The following ATG5 variants were observed in gnomAD, a reference collection of about 807,000 sequenced individuals.
ATG5 encodes autophagy related 5.
In ATG5, 14 loss-of-function variants were observed where a neutral mutation model predicts 36.5. The observed-to-expected ratio is 0.38, with a 90% CI of 0.25 to 0.60. The LOEUF (loss-of-function observed/expected upper bound fraction) is 0.60, where lower values mean the gene tolerates loss of function less well. Among genes scored for constraint, ATG5 ranks in the 20% least tolerant of loss-of-function variants. ATG5 has a pLI of 0.60. For synonymous variants in ATG5, 95 were observed against 101.5 expected, an observed-to-expected ratio of 0.94 and a Z score of 0.38; for missense variants, 195 against 326.7, an observed-to-expected ratio of 0.60 and a Z score of 3.11.
intron 5 of ATG5, among the ~76,000 whole-genome samples, chr6:106,262,589 G>A (rs980336421): frequency 9.2e-5 from 14 of 152,038 alleles, no homozygotes; most frequent in South Asian, 2.1e-4. Flanking sequence ...GAAAAGTTCC[G>A]GTCTGCAGCT....
intron 6 of ATG5, among the ~76,000 whole-genome samples, chr6:106,237,292 C>CA (rs1275291253): frequency 1.3e-5 from 2 of 152,142 alleles, no homozygotes; most frequent in Non-Finnish European, 2.9e-5. Flanking sequence ...TCAAATCACA[C>CA]AATGCTCCAA....
intron 2 of ATG5, among the ~76,000 whole-genome samples, chr6:106,310,759 T>G (rs1334260501): frequency 1.3e-5 from 2 of 152,208 alleles, no homozygotes; most frequent in African/African-American, 4.8e-5. Flanking sequence ...CTCTATGAAT[T>G]TGACTACTCT....
chr6:106,189,643 C>G (rs1041736135), intron 7 of ATG5, among the ~76,000 whole-genome samples: 4 of 55,448 alleles, frequency 7.2e-5, no homozygotes, highest in Non-Finnish European at 1.3e-4. Context: ...AATAATAAAA[C>G]AGTAAAAAAA....
At chr6:106,249,641 C>T (rs555488564) in intron 5 of ATG5, among the ~76,000 whole-genome samples, 22 of 152,310 alleles carry the variant, frequency 1.4e-4, no homozygotes, top group Non-Finnish European at 2.9e-4. Context: ...TTAGGTAACT[C>T]TATTTAACTG....
intron 5 of ATG5, among the ~76,000 whole-genome samples, chr6:106,270,381 T>C (rs956612249): frequency 6.6e-6 from 1 of 152,040 alleles, no homozygotes; most frequent in African/African-American, 2.4e-5. Flanking sequence ...ACACACAGAG[T>C]TTCAGGTTGG....
chr6:106,216,085 C>T (rs1451440106), intron 6 of ATG5, among the ~76,000 whole-genome samples: 1 of 152,122 alleles, frequency 6.6e-6, no homozygotes, highest in Non-Finnish European at 1.5e-5. Context: ...GTAATTAAAA[C>T]TATAGAAAAT....
chr6:106,247,583 C>T (rs928385379), intron 6 of ATG5, among the ~76,000 whole-genome samples: 13 of 152,148 alleles, frequency 8.5e-5, no homozygotes, highest in Admixed American at 4.6e-4. Flanking sequence ...GTTATGTTTC[C>T]GTGAGCCCTC....
chr6:106,270,402 C>G (rs1779410374), intron 5 of ATG5, among the ~76,000 whole-genome samples: 1 of 152,120 alleles, frequency 6.6e-6, no homozygotes, highest in South Asian at 2.1e-4. Flanking sequence ...AATTATTCAC[C>G]TTCCTGCAAA....
At chr6:106,270,496 G>A (rs1393268549) in intron 5 of ATG5, among the ~76,000 whole-genome samples, 1 of 152,140 alleles carries the variant, frequency 6.6e-6, no homozygotes, top group African/African-American at 2.4e-5. Flanking sequence ...CATAAATGAG[G>A]TGGCTCCATA....
At chr6:106,285,259 G>A (rs1247920635) in intron 4 of ATG5, among the ~76,000 whole-genome samples, 1 of 152,112 alleles carries the variant, frequency 6.6e-6, no homozygotes, top group East Asian at 1.9e-4. Flanking sequence ...CAATTTTGTG[G>A]TTTTTTTAAG....
chr6:106,308,292 T>C, intron 3 of ATG5, 72 bp downstream of exon 3: 1 of 1,319,150 alleles, frequency 7.6e-7, no homozygotes. Context: ...TTTTTACAAT[T>C]GTTTCAGGGC....
intron 7 of ATG5, among the ~76,000 whole-genome samples, chr6:106,197,744 T>C (rs1033949533): frequency 1.3e-5 from 2 of 152,188 alleles, no homozygotes; most frequent in African/African-American, 4.8e-5. Context: ...GAGGGTCTCA[T>C]GAGATGCCCA....
At chr6:106,285,923 T>A (rs1419195392) in intron 4 of ATG5, among the ~76,000 whole-genome samples, 2 of 152,232 alleles carry the variant, frequency 1.3e-5, no homozygotes, top group African/African-American at 4.8e-5. Context: ...TGATCCTTAC[T>A]CCAAAATCAT....
intron 6 of ATG5, among the ~76,000 whole-genome samples, chr6:106,227,900 A>G (rs1264049044): frequency 6.6e-6 from 1 of 152,216 alleles, no homozygotes; most frequent in Non-Finnish European, 1.5e-5. Flanking sequence ...ATTCAACTTG[A>G]AGGAGAAGGA....
At chr6:106,279,963 AAATTTAACTT>A in intron 4 of ATG5, 140 bp from the exon 5 acceptor site, 1 of 499,924 alleles carries the variant, frequency 2.0e-6, no homozygotes, top group Non-Finnish European at 3.1e-6. Context: ...AAATACTTTA[AAATTTAACTT>A]AAAAATCTTT....
At chr6:106,194,012 T>C (rs1217277161) in intron 7 of ATG5, among the ~76,000 whole-genome samples, 1 of 152,180 alleles carries the variant, frequency 6.6e-6, no homozygotes, top group Non-Finnish European at 1.5e-5. Flanking sequence ...ATAACAATAA[T>C]TCAGAAGGAG....
In ATG5 at chr6:106,186,198, T is replaced by TA. The variant is rs1333205810; in HGVS notation, c.*341dup. 2.4e-5 allele frequency: 5 copies of TA among 204,574 alleles called. No homozygotes were observed. Among genetic ancestry groups the TA allele is most frequent in the Non-Finnish European group, 4.9e-5 (5 of 102,514 alleles). 12.7% of individuals were successfully genotyped at this position (204,574 alleles called of 1,614,324 possible). A position where few individuals can be genotyped will look rare whatever the true frequency, so the allele number is the denominator to read the frequency against. ...GGTCACCTTAGGAAATACCCCTGTT[T>TA]ATTTGTTAATCAGAAATACAAATCG... On this transcript the variant is annotated 3_prime_UTR_variant, in exon 8 of 8. Coordinates refer to ENST00000369076, the MANE Select transcript of ATG5 (RefSeq NM_004849.4).
At chr6:106,323,282 TTTTTA>T (rs1439128118) in intron 1 of ATG5, among the ~76,000 whole-genome samples, 1 of 144,752 alleles carries the variant, frequency 6.9e-6, no homozygotes, top group African/African-American at 2.6e-5. Context: ...TTTTTTTTTT[TTTTTA>T]AAGAGACAGG....
chr6:106,293,147 A>C, intron 3 of ATG5, 41 bp from the exon 4 acceptor site: 1 of 1,535,470 alleles, frequency 6.5e-7, no homozygotes, highest in South Asian at 1.1e-5. Context: ...TAAATATTTA[A>C]AGTTATAACT....
Sources: gnomAD v4.1 joint callset for allele counts (sites outside exome capture counted in the v4.1 genomes callset) on GRCh38, gnomAD v4.1.1 for gene constraint, MANE v1.5 for transcripts, NCBI Gene and HGNC (gene_info 2026-07-23, HGNC 2026-07-21) for gene names.